Variants in CCDC7 observed in about 807,000 individuals in gnomAD.
CCDC7 encodes the protein coiled-coil domain-containing protein 7.
Under a neutral mutation model 196.9 loss-of-function variants are expected in CCDC7, and 183 were observed. The ratio of observed to expected loss-of-function variants is 0.93; its 90% confidence interval spans 0.82 to 1.05. The LOEUF (loss-of-function observed/expected upper bound fraction) is 1.05, where lower values mean the gene tolerates loss of function less well. Among genes scored for constraint, CCDC7 ranks in the 50% least tolerant of loss-of-function variants. The pLI, the probability that CCDC7 is intolerant of heterozygous loss-of-function variation, is 0.00. For synonymous variants in CCDC7, 525 were observed against 484.6 expected (o/e 1.08, Z -1.10); for missense variants, 1,540 against 1,482.2 (o/e 1.04, Z -0.64).
At chr10:32,857,779 C>T (rs1336426468) in intron 41 of CCDC7, among the ~76,000 whole-genome samples, 3 of 150,574 alleles carry the variant, frequency 2.0e-5, no homozygotes, top group Non-Finnish European at 3.0e-5. Context: ...AAAGATTAGA[C>T]CAGAATTAAA....
intron 13 of CCDC7, among the ~76,000 whole-genome samples, chr10:32,552,013 A>G (rs1222923693): frequency 6.6e-6 from 1 of 152,154 alleles, no homozygotes; most frequent in Non-Finnish European, 1.5e-5. Flanking sequence ...GTCCTCCACT[A>G]TTACTGTGTT....
intron 9 of CCDC7, among the ~76,000 whole-genome samples, chr10:32,509,497 AT>A (rs2045762284): frequency 7.3e-6 from 1 of 136,812 alleles, no homozygotes; most frequent in African/African-American, 2.7e-5. Flanking sequence ...CTGGGCAATG[AT>A]TTTTTTGGAC....
chr10:32,724,698 A>T (rs2082870440), intron 25 of CCDC7, among the ~76,000 whole-genome samples: 1 of 152,142 alleles, frequency 6.6e-6, no homozygotes, highest in Non-Finnish European at 1.5e-5. Flanking sequence ...AAGGCTCCCC[A>T]GCAAGGTCAT....
intron 18 of CCDC7, among the ~76,000 whole-genome samples, chr10:32,598,151 A>G (rs889386490): frequency 2.0e-5 from 3 of 152,018 alleles, no homozygotes; most frequent in African/African-American, 4.8e-5. Flanking sequence ...AGTGGGCTCC[A>G]CCCAGTTGGA....
chr10:32,531,316 G>T (rs1453704069), intron 11 of CCDC7, among the ~76,000 whole-genome samples: 1 of 152,052 alleles, frequency 6.6e-6, no homozygotes, highest in Non-Finnish European at 1.5e-5. Flanking sequence ...CAGAGATGAG[G>T]TCTCACTATG....
At chr10:32,585,525 A>G (rs995336280) in intron 18 of CCDC7, among the ~76,000 whole-genome samples, 1 of 151,904 alleles carries the variant, frequency 6.6e-6, no homozygotes, top group African/African-American at 2.4e-5. Context: ...TCCCTCTCCT[A>G]GGCCCCCACC....
chr10:32,681,736 T>TAC (rs1491330656), intron 21 of CCDC7, among the ~76,000 whole-genome samples: 3 of 100,182 alleles, frequency 3.0e-5, no homozygotes, highest in East Asian at 3.4e-4. Context: ...TATTTATATG[T>TAC]ATACACACAC....
In CCDC7 at chr10:32,583,327, T is replaced by C; in HGVS notation, c.1728+20T>C. On this transcript the variant is annotated intron_variant, in intron 17 of 41. Transcript: ENST00000639629. ...AAAAAGGTATGATATATATAGAAAC[T>C]TGAAAGCTGTTTATTTCATATTGCT... The C allele has an allele frequency of 8.3e-7, 1 of 1,206,400 alleles. No homozygotes were observed. The highest frequency in any genetic ancestry group is 1.0e-6 in the Non-Finnish European group (1 of 964,918). The allele number at this position is 1,206,400 out of a possible 1,614,324, so 74.7% of individuals were successfully genotyped here.
At chr10:32,577,966 A>G (rs981179242) in intron 16 of CCDC7, among the ~76,000 whole-genome samples, 1 of 152,180 alleles carries the variant, frequency 6.6e-6, no homozygotes, top group Non-Finnish European at 1.5e-5. Flanking sequence ...ATTTCATCCA[A>G]AGATGTAGGA....
At chr10:32,575,798 T>C (rs962016587) in intron 16 of CCDC7, among the ~76,000 whole-genome samples, 3 of 152,190 alleles carry the variant, frequency 2.0e-5, no homozygotes, top group Non-Finnish European at 4.4e-5. Context: ...CCTTTGATCT[T>C]AGAGACTCAT....
chr10:32,578,010 G>A (rs1441118266), intron 16 of CCDC7, among the ~76,000 whole-genome samples: 1 of 152,172 alleles, frequency 6.6e-6, no homozygotes, highest in African/African-American at 2.4e-5. Context: ...TTTGCCAAAA[G>A]CTTCCGTCAG....
At chr10:32,490,062 A>G (rs2134433103) in intron 8 of CCDC7, among the ~76,000 whole-genome samples, 1 of 152,076 alleles carries the variant, frequency 6.6e-6, no homozygotes, top group Middle Eastern at 3.4e-3. Context: ...CCATGGTGGG[A>G]CATGTTGCAT....
intron 28 of CCDC7, among the ~76,000 whole-genome samples, chr10:32,746,698 C>T (rs1479219017): frequency 6.6e-6 from 1 of 152,184 alleles, no homozygotes; most frequent in East Asian, 1.9e-4. Flanking sequence ...GCCATGGTGC[C>T]TTTGCCAGCA....
At position 32,824,612 on chromosome 10, in the gene CCDC7, T is replaced by C. The variant is rs762701217; in HGVS notation, c.3268+8T>C. On this transcript the variant is annotated splice_region_variant and intron_variant, in intron 32 of 41. Transcript: ENST00000639629. Reference sequence around the variant, plus strand: ...AGAGAAAGAGTTACCCTGGTAAGAATAAGAATTTTTAAAATCTACTTATGG... The same window carrying C: ...AGAGAAAGAGTTACCCTGGTAAGAACAAGAATTTTTAAAATCTACTTATGG... The C allele has an allele frequency of 1.3e-6, 2 of 1,581,636 alleles. No individual in the cohort carries two copies. Among genetic ancestry groups the C allele is most frequent in the African/African-American group, 1.4e-5 (1 of 73,924 alleles).
downstream of CCDC7, chr10:32,876,924 T>C (rs2136979266): frequency 6.6e-6 from 1 of 152,230 alleles, no homozygotes; most frequent in Non-Finnish European, 1.5e-5. Flanking sequence ...TTATTGGCTA[T>C]AAAATTGTCC....
chr10:32,758,121 C>A (rs1029670801), intron 28 of CCDC7, among the ~76,000 whole-genome samples: 1 of 151,938 alleles, frequency 6.6e-6, no homozygotes, highest in Non-Finnish European at 1.5e-5. Context: ...GCCTACCAAC[C>A]AAAAAAAGTC....
chr10:32,694,909 T>C (rs776576396), exon 24 of CCDC7: 1 of 1,601,160 alleles, frequency 6.2e-7, no homozygotes, highest in South Asian at 1.1e-5. Context: ...AAAAATCTTG[T>C]GCTTGAACAT....
chr10:32,611,899 A>G (rs970476654), intron 18 of CCDC7, among the ~76,000 whole-genome samples: 3 of 152,128 alleles, frequency 2.0e-5, no homozygotes, highest in African/African-American at 7.2e-5. Flanking sequence ...TCTTGGCTAT[A>G]CAGGCTCTTT....
exon 27 of CCDC7, chr10:32,728,925 C>T (rs1392986957): frequency 1.2e-6 from 2 of 1,608,414 alleles, no homozygotes; most frequent in Non-Finnish European, 1.7e-6. Flanking sequence ...GATTTCTGTT[C>T]ATCAAGATTC....
Sources: gnomAD v4.1 joint callset for allele counts (sites outside exome capture counted in the v4.1 genomes callset) on GRCh38, gnomAD v4.1.1 for gene constraint, MANE v1.5 for transcripts, NCBI Gene and HGNC (gene_info 2026-07-23, HGNC 2026-07-21) for gene names.